Variants in TSNARE1 observed in about 807,000 individuals in gnomAD.
TSNARE1 encodes t-SNARE domain containing 1, also known as t-SNARE domain-containing protein 1.
In TSNARE1, 49 loss-of-function variants were observed where a neutral mutation model predicts 62.0. The observed-to-expected ratio is 0.79, with a 90% confidence interval of 0.63 to 1.00. The LOEUF (loss-of-function observed/expected upper bound fraction) is 1.00. TSNARE1 is among the 50% of genes least tolerant of loss of function. The probability of loss-of-function intolerance (pLI) is 0.00; values close to 1 mark genes in which losing one functional copy is unlikely to be tolerated. For synonymous variants in TSNARE1, 328 were observed against 294.4 expected (o/e 1.11, Z -1.17); for missense variants, 755 against 700.1 (o/e 1.08, Z -0.88).
chr8:142,253,423 G>A (rs1818273214), intron 12 of TSNARE1, among the ~76,000 whole-genome samples: 4 of 152,170 alleles, frequency 2.6e-5, no homozygotes, highest in Non-Finnish European at 5.9e-5. Flanking sequence ...TCACCCCCGA[G>A]TCACCACCCC....
intron 6 of TSNARE1, among the ~76,000 whole-genome samples, chr8:142,320,650 T>C (rs1829352360): frequency 1.3e-5 from 2 of 152,210 alleles, no homozygotes; most frequent in African/African-American, 4.8e-5. Flanking sequence ...ATCCCTGCCT[T>C]AACACTTTCC....
intron 11 of TSNARE1, chr8:142,277,197 T>C (rs1820643278): frequency 1.0e-6 from 1 of 985,014 alleles, no homozygotes; most frequent in East Asian, 1.1e-4. Context: ...ACACAGGGGG[T>C]GCTCCACGGG....
chr8:142,382,705 G>A (rs1836855927), intron 1 of TSNARE1, among the ~76,000 whole-genome samples: 2 of 152,250 alleles, frequency 1.3e-5, no homozygotes, highest in African/African-American at 4.8e-5. Flanking sequence ...TTTCACTCCA[G>A]AGGAAAGCTG....
intron 1 of TSNARE1, among the ~76,000 whole-genome samples, chr8:142,378,338 T>C (rs1437080960): frequency 6.6e-6 from 1 of 152,202 alleles, no homozygotes; most frequent in African/African-American, 2.4e-5. Context: ...AAAAGTCGCA[T>C]GTGGTGACAG....
At chr8:142,312,064 T>C (rs1827700234) in intron 9 of TSNARE1, among the ~76,000 whole-genome samples, 1 of 152,232 alleles carries the variant, frequency 6.6e-6, no homozygotes, top group Non-Finnish European at 1.5e-5. Flanking sequence ...AGATTTTGGA[T>C]TTTATTTTCA....
In TSNARE1 at chr8:142,282,580, T is replaced by TGGGGCCACTGTCTGTCAATGAGCAGAGGC. The variant is rs1821759477; in HGVS notation, c.1363+1832_1363+1833insGCCTCTGCTCATTGACAGACAGTGGCCCC. On this transcript the variant is annotated intron_variant, in intron 11 of 13. Coordinates refer to ENST00000524325, the MANE Select transcript of TSNARE1 (RefSeq NM_145003.5). ...ACCAGTGTCTGTCAATGAGCGGAGG[T>TGGGGCCACTGTCTGTCAATGAGCAGAGGC]GGGGCCAGTGTCTATCAATGAGCAG... is the stretch of plus-strand genomic sequence containing the variant. Among the ~76,000 whole-genome samples the TGGGGCCACTGTCTGTCAATGAGCAGAGGC allele has an allele frequency of 3.1e-5, 4 of 127,782 alleles. 1 individual carries two copies. Among genetic ancestry groups the TGGGGCCACTGTCTGTCAATGAGCAGAGGC allele is most frequent in the African/African-American group, 1.2e-4 (4 of 32,862 alleles). 83.8% of individuals were successfully genotyped at this position (127,782 alleles called of 152,430 possible).
intron 13 of TSNARE1, among the ~76,000 whole-genome samples, chr8:142,227,867 C>T (rs990976979): frequency 6.6e-6 from 1 of 152,260 alleles, no homozygotes; most frequent in Non-Finnish European, 1.5e-5. Flanking sequence ...AATGGATGTA[C>T]AACACATGGC....
At chr8:142,377,617 C>A (rs1196686751) in intron 1 of TSNARE1, among the ~76,000 whole-genome samples, 1 of 152,200 alleles carries the variant, frequency 6.6e-6, no homozygotes, top group Non-Finnish European at 1.5e-5. Flanking sequence ...GATGCCAGCA[C>A]CTGCCATCGG....
intron 6 of TSNARE1, among the ~76,000 whole-genome samples, chr8:142,323,462 T>C (rs1208353067): frequency 1.3e-5 from 2 of 152,174 alleles, no homozygotes; most frequent in African/African-American, 4.8e-5. Flanking sequence ...CGCCAAAGTA[T>C]GAGAGACATC....
At chr8:142,359,612 G>A (rs1835010116) in intron 1 of TSNARE1, among the ~76,000 whole-genome samples, 2 of 152,288 alleles carry the variant, frequency 1.3e-5, no homozygotes, top group African/African-American at 4.8e-5. Context: ...GGGGAGCCAG[G>A]GAAATCTCCA....
intron 4 of TSNARE1, among the ~76,000 whole-genome samples, chr8:142,334,900 G>A (rs756479842): frequency 2.0e-5 from 3 of 152,326 alleles, no homozygotes; most frequent in Non-Finnish European, 2.9e-5. Flanking sequence ...GAAAAGGATC[G>A]GTTCCAACCA....
intron 12 of TSNARE1, among the ~76,000 whole-genome samples, chr8:142,265,527 G>A (rs1819090716): frequency 6.6e-6 from 1 of 152,192 alleles, no homozygotes; most frequent in Non-Finnish European, 1.5e-5. Flanking sequence ...CCACTTTGGG[G>A]CCATGGCAGA....
chr8:142,373,226 G>A (rs1742567543), intron 1 of TSNARE1, among the ~76,000 whole-genome samples: 1 of 152,212 alleles, frequency 6.6e-6, no homozygotes, highest in African/African-American at 2.4e-5. Context: ...CCCTTAGGAA[G>A]AAAACCATCT....
intron 12 of TSNARE1, among the ~76,000 whole-genome samples, chr8:142,249,142 G>A (rs756201356): frequency 6.6e-6 from 1 of 152,264 alleles, no homozygotes; most frequent in African/African-American, 2.4e-5. Context: ...GCCACGCTAC[G>A]ACTCTGCCAT....
intron 4 of TSNARE1, among the ~76,000 whole-genome samples, chr8:142,334,288 A>T (rs1202452374): frequency 6.6e-6 from 1 of 152,188 alleles, no homozygotes; most frequent in East Asian, 1.9e-4. Context: ...CTGGTTCGGG[A>T]GGCTGCCCAA....
chr8:142,274,975 A>G, intron 11 of TSNARE1, 112 bp from the exon 12 acceptor site: 2 of 1,391,488 alleles, frequency 1.4e-6, no homozygotes, highest in Non-Finnish European at 1.9e-6. Context: ...CCTGCAGAGG[A>G]GCAGAGGCTG....
chr8:142,382,417 C>T (rs1056995757), intron 1 of TSNARE1, among the ~76,000 whole-genome samples: 2 of 152,174 alleles, frequency 1.3e-5, no homozygotes, highest in Non-Finnish European at 2.9e-5. Flanking sequence ...CCGGCCTCTG[C>T]CCACTGACCA....
At chr8:142,369,203 G>T (rs1480803306) in intron 1 of TSNARE1, among the ~76,000 whole-genome samples, 1 of 152,136 alleles carries the variant, frequency 6.6e-6, no homozygotes, top group Non-Finnish European at 1.5e-5. Flanking sequence ...CACTGCCGGG[G>T]GTAGGGCAGG....
In TSNARE1 at chr8:142,352,602, G is replaced by A. The variant is rs566306869; in HGVS notation, c.88+2035C>T. 1.7e-4 allele frequency among the ~76,000 whole-genome samples: 26 copies of A among 152,384 alleles called. No homozygotes were observed. In the East Asian group the frequency reaches 4.0e-3, roughly 24 times the overall value. Reference sequence around the variant, plus strand: ...CACAGAACCCAACGTGATGCAGCGCGGAATCGAAGGAGCCACAGCCACGCG... The same window carrying A: ...CACAGAACCCAACGTGATGCAGCGCAGAATCGAAGGAGCCACAGCCACGCG... On this transcript the variant is annotated intron_variant, in intron 2 of 13. Transcript: ENST00000524325.
Sources: allele counts gnomAD v4.1 joint callset (sites outside exome capture counted in the v4.1 genomes callset), GRCh38; gene constraint gnomAD v4.1.1; transcripts MANE v1.5; gene names NCBI Gene and HGNC (gene_info 2026-07-23, HGNC 2026-07-21).